The following ZNF146 variants were observed in gnomAD, a reference collection of about 807,000 sequenced individuals.
The protein encoded by ZNF146 is zinc finger protein 146.
ZNF146 carries 9 observed loss-of-function variants against 22.2 expected under a neutral mutation model. The observed-to-expected ratio is 0.41, with a 90% CI of 0.24 to 0.71. ZNF146 has a LOEUF of 0.71. Ranked by LOEUF, ZNF146 falls within the 30% of genes least tolerant of loss-of-function variation. The pLI is 0.34. For synonymous variants in ZNF146, 108 were observed against 119.2 expected, an observed-to-expected ratio of 0.91 and a Z score of 0.61; for missense variants, 194 against 344.8, an observed-to-expected ratio of 0.56 and a Z score of 3.46.
At chr19:36,231,770 G>A (rs1419102522) in intron 3 of ZNF146, among the ~76,000 whole-genome samples, 1 of 152,054 alleles carries the variant, frequency 6.6e-6, no homozygotes, top group Non-Finnish European at 1.5e-5. Context: ...GCCTTAAAAA[G>A]ACACACTAAG....
At chr19:36,231,922 G>T (rs952837202) in intron 3 of ZNF146, among the ~76,000 whole-genome samples, 1 of 151,146 alleles carries the variant, frequency 6.6e-6, no homozygotes, top group African/African-American at 2.4e-5. Flanking sequence ...AAAAAAAAAG[G>T]CCAGACTCGG....
chr19:36,229,458 C>G (rs2145435320), intron 3 of ZNF146, among the ~76,000 whole-genome samples: 1 of 152,286 alleles, frequency 6.6e-6, no homozygotes, highest in Non-Finnish European at 1.5e-5. Flanking sequence ...GGTCCTCCTG[C>G]CTCAGACTCC....
At position 36,236,419 on chromosome 19, in the gene ZNF146, A is replaced by G; in HGVS notation, c.-22A>G. On this transcript the variant is annotated 5_prime_UTR_variant, in exon 4 of 4. An upstream start codon of the reference 5' UTR is lost. Coordinates refer to ENST00000443387, the MANE Select transcript of ZNF146 (RefSeq NM_007145.3). The stretch of plus-strand genomic sequence containing the variant: ...TTTTTACTGGAGAGAAACCTTGTGA[A>G]TGTGGGAAAGCTTCCATTCAGATGT... 6.4e-7 allele frequency: 1 copy of G among 1,566,816 alleles called. No individual in the cohort carries two copies. Among genetic ancestry groups the G allele is most frequent in the Non-Finnish European group, 8.6e-7 (1 of 1,159,918 alleles).
rs1228372088 is a variant in ZNF146, at chr19:36,237,430, A to G, written c.*111A>G. On this transcript the variant is annotated 3_prime_UTR_variant, in exon 4 of 4. Coordinates refer to ENST00000443387, the MANE Select transcript of ZNF146 (RefSeq NM_007145.3). ...AAGCACCACGAATGAGGTTAACTTT[A>G]ACAAGTACTAAAAACTTAAGGGACA... The G allele has an allele frequency of 7.4e-7, 1 of 1,358,462 alleles. No homozygotes were observed. Among genetic ancestry groups the G allele is most frequent in the Admixed American group, 2.8e-5 (1 of 35,358 alleles). 84.2% of individuals were successfully genotyped at this position (1,358,462 alleles called of 1,614,324 possible).
intron 2 of ZNF146, among the ~76,000 whole-genome samples, chr19:36,226,566 G>A (rs1977075838): frequency 6.6e-6 from 1 of 152,056 alleles, no homozygotes; most frequent in Non-Finnish European, 1.5e-5. Flanking sequence ...TTCTCCAAAT[G>A]TGTATGATTT....
At chr19:36,227,964 C>G (rs939248514) in intron 2 of ZNF146, among the ~76,000 whole-genome samples, 1 of 152,050 alleles carries the variant, frequency 6.6e-6, no homozygotes, top group Non-Finnish European at 1.5e-5. Context: ...AGTTCGAGAC[C>G]AGCCTGGCCA....
At chr19:36,235,274 C>A (rs1977604632) in intron 3 of ZNF146, among the ~76,000 whole-genome samples, 1 of 151,206 alleles carries the variant, frequency 6.6e-6, no homozygotes, top group Admixed American at 6.6e-5. Flanking sequence ...GGTAGACTTT[C>A]TAATTTTCAT....
chr19:36,238,044 T>C lies in ZNF146; in HGVS notation c.*725T>C, dbSNP rs565711273. 4.2e-5 allele frequency: 7 copies of C among 167,244 alleles called. No homozygotes were observed. Among genetic ancestry groups the C allele is most frequent in the African/African-American group, 1.7e-4 (7 of 41,590 alleles). The allele number at this position is 167,244 out of a possible 1,614,324, so 10.4% of individuals were successfully genotyped here. ...AATGCTCAGGAAATACGCACTAGGA[T>C]ATTTACTGTGGCTTGATTTGTAGTA... On this transcript the variant is annotated 3_prime_UTR_variant, in exon 4 of 4. Transcript: ENST00000443387.
At chr19:36,228,359 T>C (rs1977175782) in intron 2 of ZNF146, 1 of 152,166 alleles carries the variant, frequency 6.6e-6, no homozygotes, top group Admixed American at 6.5e-5. Context: ...ATAAGGGCTG[T>C]AGTTAAAATC....
rs559302052 is a variant in ZNF146 at position 36,234,888 on chromosome 19, G to A, written c.-782-771G>A. On this transcript the variant is annotated intron_variant, in intron 3 of 3. Coordinates refer to ENST00000443387, the MANE Select transcript of ZNF146 (RefSeq NM_007145.3). Reference sequence around the variant, plus strand: ...AAGGTGTGTCCAGTCCTTTGTTCTCGTGACTGGACAGTGCATGTTCAACTG... The same window carrying A: ...AAGGTGTGTCCAGTCCTTTGTTCTCATGACTGGACAGTGCATGTTCAACTG... Among the ~76,000 whole-genome samples the A allele has an allele frequency of 7.9e-5, 12 of 152,192 alleles. No homozygotes were observed. The East Asian group carries it at 1.7e-3, about 22-fold the overall frequency.
At chr19:36,219,760 T>G (rs1407408733) in intron 2 of ZNF146, among the ~76,000 whole-genome samples, 1 of 152,178 alleles carries the variant, frequency 6.6e-6, no homozygotes, top group Non-Finnish European at 1.5e-5. Context: ...GATTTTCTGT[T>G]TTTTTTGTTG....
intron 3 of ZNF146, among the ~76,000 whole-genome samples, chr19:36,229,906 G>A (rs1001204896): frequency 3.9e-5 from 6 of 152,156 alleles, no homozygotes; most frequent in Non-Finnish European, 7.3e-5. Flanking sequence ...TTTTCATAGA[G>A]ATGGGGTTTT....
rs758009639 is a variant in ZNF146 at position 36,235,821 on chromosome 19, C to A, written c.-620C>A. The A allele has an allele frequency of 6.6e-6, 1 of 152,170 alleles. No individual in the cohort carries two copies. The highest frequency in any genetic ancestry group is 1.5e-5 in the Non-Finnish European group (1 of 68,046). The allele number at this position is 152,170 out of a possible 1,614,324, so 9.4% of individuals were successfully genotyped here. A position where few individuals can be genotyped will look rare whatever the true frequency, so the allele number is the denominator to read the frequency against. ...TTCTCAGATCGTATTTGTTTTAAGGCCACACCTTTTTGAAGTTTTCAGTTT... is the reference window on the plus strand; with the variant it reads ...TTCTCAGATCGTATTTGTTTTAAGGACACACCTTTTTGAAGTTTTCAGTTT... On this transcript the variant is annotated 5_prime_UTR_variant, in exon 4 of 4. Transcript: ENST00000443387.
intron 2 of ZNF146, among the ~76,000 whole-genome samples, chr19:36,225,686 C>T (rs1249556924): frequency 6.6e-6 from 1 of 151,644 alleles, no homozygotes; most frequent in Non-Finnish European, 1.5e-5. Flanking sequence ...AGTCTACCCA[C>T]CTCAGTGTCT....
chr19:36,232,214 A>G (rs941840183), intron 3 of ZNF146, among the ~76,000 whole-genome samples: 1 of 146,910 alleles, frequency 6.8e-6, no homozygotes, highest in African/African-American at 2.5e-5. Flanking sequence ...AAAAAAAAAC[A>G]TACAAATTAT....
chr19:36,228,204 CAA>C (rs1439259847), intron 2 of ZNF146, among the ~76,000 whole-genome samples: 1 of 149,290 alleles, frequency 6.7e-6, no homozygotes, highest in African/African-American at 2.5e-5. Context: ...CAGTATAATG[CAA>C]AGAGGGTAAA....
intron 2 of ZNF146, 86 bp downstream of exon 2, chr19:36,218,281 C>T (rs565821856): frequency 5.3e-5 from 8 of 151,894 alleles, no homozygotes; most frequent in Admixed American, 5.3e-4. Flanking sequence ...GGTTGTGTAG[C>T]TCCAGAAGTT....
intron 2 of ZNF146, among the ~76,000 whole-genome samples, chr19:36,228,158 CAAAAAAAAAA>C (rs71171422): frequency 2.8e-4 from 30 of 106,644 alleles, no homozygotes; most frequent in African/African-American, 1.2e-3. Flanking sequence ...GAAACTGTCT[CAAAAAAAAAA>C]AAAAAAAAAG....
chr19:36,227,883 C>A (rs746340108), intron 2 of ZNF146, among the ~76,000 whole-genome samples: 1 of 152,088 alleles, frequency 6.6e-6, no homozygotes, highest in Non-Finnish European at 1.5e-5. Flanking sequence ...AAATAGGACA[C>A]GGCACGGTGG....
Sources: allele counts gnomAD v4.1 joint callset (sites outside exome capture counted in the v4.1 genomes callset), GRCh38; gene constraint gnomAD v4.1.1; transcripts MANE v1.5; gene names NCBI Gene and HGNC (gene_info 2026-07-23, HGNC 2026-07-21).